The following GDI2 variants were observed in gnomAD, a reference collection of about 807,000 sequenced individuals.
GDI2 encodes the protein rab GDP dissociation inhibitor beta.
A neutral mutation model predicts 54.2 loss-of-function variants in GDI2; 22 were observed. The ratio of observed to expected loss-of-function variants is 0.41; its 90% CI spans 0.29 to 0.58. GDI2 has a LOEUF of 0.58. GDI2 is among the 20% of genes least tolerant of loss of function. The probability of loss-of-function intolerance (pLI) is 0.35; values close to 1 mark genes in which losing one functional copy is unlikely to be tolerated. For missense variants in GDI2, 422 were observed against 546.0 expected, an observed-to-expected ratio of 0.77 and a Z score of 2.26; for synonymous variants, 177 against 182.1, an observed-to-expected ratio of 0.97 and a Z score of 0.23.
At position 5,774,111 on chromosome 10, in the gene GDI2, CAT is replaced by C. The variant is rs1217919471; in HGVS notation, c.720-172_720-171del. 3.1e-5 allele frequency among the ~76,000 whole-genome samples: 1 copy of C among 32,136 alleles called. No individual in the cohort carries two copies. The highest frequency in any genetic ancestry group is 8.4e-5 in the African/African-American group (1 of 11,910). The allele number at this position is 32,136 out of a possible 152,430, so 21.1% of individuals were successfully genotyped here. ...AAGAAAACAGAGTCAAAAACACAAA[CAT>C]AATCAGTTATAAATACGAAGTCAAA... On this transcript the variant is annotated intron_variant, in intron 6 of 10. Coordinates refer to ENST00000380191, the MANE Select transcript of GDI2 (RefSeq NM_001494.4). The surrounding 1 kb of genome is among the most constrained non-coding windows in gnomAD (Gnocchi z 4.8).
intron 3 of GDI2, among the ~76,000 whole-genome samples, chr10:5,796,415 C>T (rs1462598132): frequency 1.3e-5 from 2 of 151,820 alleles, no homozygotes; most frequent in South Asian, 2.1e-4. Context: ...ATTTTAAAAC[C>T]CTACAAACTA....
Position 5,806,488 on chromosome 10 carries a change from T to C in GDI2, c.46-5783A>G, listed in dbSNP as rs577042027. ...ATGATAAGTGCCTATTCAAAATTTT[T>C]CCCCATTTTTTAAATGGGCTTTTTC... On this transcript the variant is annotated intron_variant, in intron 1 of 10. Transcript: ENST00000380191. Among the ~76,000 whole-genome samples, 330 of 152,174 alleles carry C rather than the reference T, an allele frequency of 2.2e-3. 3 individuals are homozygous for C. Among genetic ancestry groups the C allele is most frequent in the African/African-American group, 7.4e-3 (306 of 41,528 alleles).
At chr10:5,808,192 A>T (rs577509738) in intron 1 of GDI2, among the ~76,000 whole-genome samples, 1 of 152,128 alleles carries the variant, frequency 6.6e-6, no homozygotes, top group East Asian at 1.9e-4. Flanking sequence ...CCCAAACTAC[A>T]TGCCTCCTGT....
chr10:5,769,314 G>C (rs1222192387), intron 7 of GDI2: 1 of 152,214 alleles, frequency 6.6e-6, no homozygotes, highest in Non-Finnish European at 1.5e-5. Flanking sequence ...GCTCACGTCT[G>C]TAATCCCAGC....
chr10:5,811,584 C>A (rs1363624665), intron 1 of GDI2, among the ~76,000 whole-genome samples: 1 of 150,344 alleles, frequency 6.7e-6, no homozygotes, highest in East Asian at 2.0e-4. Flanking sequence ...ACGCTGGCAG[C>A]AACACTACCC....
rs1347204941 is a variant in GDI2 at position 5,774,631 on chromosome 10, G to C, written c.720-690C>G. Among the ~76,000 whole-genome samples the C allele has an allele frequency of 6.6e-6, 1 of 152,026 alleles. No homozygotes were observed. Among genetic ancestry groups the C allele is most frequent in the South Asian group, 2.1e-4 (1 of 4,818 alleles). On this transcript the variant is annotated intron_variant, in intron 6 of 10. Coordinates refer to ENST00000380191, the MANE Select transcript of GDI2 (RefSeq NM_001494.4). The surrounding 1 kb of genome is among the most constrained non-coding windows in gnomAD (Gnocchi z 4.8). ...CGCTCACCCTGATGGATGGCTCTTC[G>C]GGGTCCACACTGAGCAGACCTGAGA...
chr10:5,769,553 G>A (rs1840437909), intron 7 of GDI2, among the ~76,000 whole-genome samples: 1 of 146,872 alleles, frequency 6.8e-6, no homozygotes, highest in African/African-American at 2.5e-5. Context: ...GCTGGGCAAT[G>A]AGCAAAACTC....
At chr10:5,795,384 G>C (rs566167958) in intron 3 of GDI2, among the ~76,000 whole-genome samples, 1 of 152,216 alleles carries the variant, frequency 6.6e-6, no homozygotes, top group East Asian at 1.9e-4. Flanking sequence ...GGCCTCCCAA[G>C]TGCTGGGATT....
chr10:5,769,362 A>G (rs1840433788), intron 7 of GDI2: 1 of 152,154 alleles, frequency 6.6e-6, no homozygotes. Flanking sequence ...ACCAGAGGTC[A>G]GGAGTTGGAG....
chr10:5,793,859 G>A (rs749467202), intron 4 of GDI2, among the ~76,000 whole-genome samples: 2 of 151,884 alleles, frequency 1.3e-5, no homozygotes, highest in African/African-American at 2.4e-5. Flanking sequence ...AATAATGTTG[G>A]GCAGAGAATA....
At chr10:5,804,921 C>T (rs187535649) in intron 1 of GDI2, among the ~76,000 whole-genome samples, 15 of 152,006 alleles carry the variant, frequency 9.9e-5, no homozygotes, top group African/African-American at 3.4e-4. Flanking sequence ...ACAACCTCTG[C>T]CTCCTGGGTT....
chr10:5,799,726 C>T (rs61832867), intron 2 of GDI2, among the ~76,000 whole-genome samples: 1 of 152,284 alleles, frequency 6.6e-6, no homozygotes, highest in East Asian at 1.9e-4. Context: ...ACTGGGACCA[C>T]TGGGAAATTT....
rs1841517695 is a variant in GDI2, at chr10:5,813,395, G to A, written c.-137C>T. The A allele has an allele frequency of 3.4e-6, 2 of 584,514 alleles. No individual in the cohort carries two copies. The highest frequency in any genetic ancestry group is 2.1e-5 in the South Asian group (1 of 46,914). 36.2% of individuals were successfully genotyped at this position (584,514 alleles called of 1,614,324 possible). ...GAGAGGAAAATGGAGCTGGCGACAAGGCGAGACCGACCGCCACCTCAGACG... is the reference window on the plus strand; with the variant it reads ...GAGAGGAAAATGGAGCTGGCGACAAAGCGAGACCGACCGCCACCTCAGACG... On this transcript the variant is annotated 5_prime_UTR_variant, in exon 1 of 11. Coordinates refer to ENST00000380191, the MANE Select transcript of GDI2 (RefSeq NM_001494.4).
Position 5,773,833 on chromosome 10 carries a change from G to C in GDI2, c.819+9C>G, listed in dbSNP as rs572913951. ...CATAGTAATTTTTTTCATTTTAAAAGCTACTTACTTCTCCTTCAGATTTTA... is the reference window on the plus strand; with the variant it reads ...CATAGTAATTTTTTTCATTTTAAAACCTACTTACTTCTCCTTCAGATTTTA... On this transcript the variant is annotated intron_variant, in intron 7 of 10. Coordinates refer to ENST00000380191, the MANE Select transcript of GDI2 (RefSeq NM_001494.4). The C allele has an allele frequency of 8.6e-7, 1 of 1,160,284 alleles. No individual in the cohort carries two copies. Among genetic ancestry groups the C allele is most frequent in the Admixed American group, 1.9e-5 (1 of 51,656 alleles). The allele number at this position is 1,160,284 out of a possible 1,614,324, so 71.9% of individuals were successfully genotyped here.
chr10:5,771,196 C>T (rs561048627), intron 7 of GDI2, among the ~76,000 whole-genome samples: 2 of 152,218 alleles, frequency 1.3e-5, no homozygotes, highest in South Asian at 4.1e-4. Flanking sequence ...ATTATCCCTA[C>T]TATTTTCTCC....
rs59686031 is a variant in GDI2 at position 5,770,963 on chromosome 10, CAAAAAAA to C, written c.820-2586_820-2580del. Among the ~76,000 whole-genome samples, 37 of 46,368 alleles carry C rather than the reference CAAAAAAA, an allele frequency of 8.0e-4. 1 individual carries two copies. Among genetic ancestry groups the C allele is most frequent in the African/African-American group, 2.4e-3 (27 of 11,312 alleles). The allele number at this position is 46,368 out of a possible 152,430, so 30.4% of individuals were successfully genotyped here. A position where few individuals can be genotyped will look rare whatever the true frequency, so the allele number is the denominator to read the frequency against. On this transcript the variant is annotated intron_variant, in intron 7 of 10. Coordinates refer to ENST00000380191, the MANE Select transcript of GDI2 (RefSeq NM_001494.4). ...CCTGGGCAACAAAGTGAGACTGTCTCAAAAAAAAAAAAAAAAAAAAAAAAGATGGTAA... is the reference window on the plus strand; with the variant it reads ...CCTGGGCAACAAAGTGAGACTGTCTCAAAAAAAAAAAAAAAAAGATGGTAA...
intron 1 of GDI2, among the ~76,000 whole-genome samples, chr10:5,803,604 A>C (rs1165802629): frequency 6.6e-6 from 1 of 152,222 alleles, no homozygotes; most frequent in African/African-American, 2.4e-5. Context: ...ACAGATCCTG[A>C]GACTAAAAAG....
chr10:5,793,791 A>T (rs1239463191), intron 4 of GDI2, among the ~76,000 whole-genome samples: 1 of 152,168 alleles, frequency 6.6e-6, no homozygotes, highest in South Asian at 2.1e-4. Context: ...TTTGCTATTT[A>T]AGAGAGACGC....
intron 6 of GDI2, among the ~76,000 whole-genome samples, chr10:5,778,241 G>A (rs1313961513): frequency 6.6e-6 from 1 of 152,036 alleles, no homozygotes; most frequent in Non-Finnish European, 1.5e-5. Flanking sequence ...TAACAAACCT[G>A]CACGTTCTGC....
Sources: allele counts gnomAD v4.1 joint callset (sites outside exome capture counted in the v4.1 genomes callset), GRCh38; gene constraint gnomAD v4.1.1; non-coding constraint Gnocchi (gnomAD v3.1); transcripts MANE v1.5; gene names NCBI Gene and HGNC (gene_info 2026-07-23, HGNC 2026-07-21).